The following RFC2 variants were observed in gnomAD, a reference collection of about 807,000 sequenced individuals.
RFC2 encodes A1 40 kDa subunit.
RFC2 carries 34 observed loss-of-function variants against 44.8 expected under a neutral mutation model. That is an observed-to-expected ratio of 0.76 (90% confidence interval 0.58 to 1.01). RFC2 has a LOEUF of 1.01. Among genes scored for constraint, RFC2 ranks in the 50% least tolerant of loss-of-function variants. The pLI is 0.00. For synonymous variants in RFC2, 177 were observed against 168.9 expected, an observed-to-expected ratio of 1.05 and a Z score of -0.37; for missense variants, 400 against 453.6, an observed-to-expected ratio of 0.88 and a Z score of 1.07.
At chr7:74,248,947 T>C (rs148060282) in intron 4 of RFC2, 65 bp downstream of exon 4, 37 of 1,126,056 alleles carry the variant, frequency 3.3e-5, no homozygotes, top group Non-Finnish European at 4.6e-5. Context: ...CTGAGAAAGG[T>C]TGTTTCTGTA....
chr7:74,239,156 C>G (rs991965759), intron 7 of RFC2, among the ~76,000 whole-genome samples, 168 bp from the exon 8 acceptor site: 1 of 149,842 alleles, frequency 6.7e-6, no homozygotes, highest in East Asian at 2.0e-4. Context: ...GCCACCGCAC[C>G]GGGCCAAGGG....
At position 74,243,159 on chromosome 7, in the gene RFC2, C is replaced by T. The variant is rs139127548; in HGVS notation, c.522G>A (p.Ser174=). Residue 174 remains serine (S), a synonymous_variant, in exon 6 of 11, where the codon TCG becomes TCA. Coordinates refer to ENST00000055077, the MANE Select transcript of RFC2 (RefSeq NM_181471.3). ...TTRFALACNA[S]DKIIEPIQSR... is the part of the protein sequence containing the mutation. Reference sequence around the variant, plus strand: ...GCTCCCACTCACCGATGATCTTATCCGAAGCATTACAAGCAAGGGCGAAGC... The same window carrying T: ...GCTCCCACTCACCGATGATCTTATCTGAAGCATTACAAGCAAGGGCGAAGC... The T allele has an allele frequency of 6.3e-5, 101 of 1,612,226 alleles. No individual in the cohort carries two copies. Among genetic ancestry groups the T allele is most frequent in the Middle Eastern group, 1.6e-4 (1 of 6,080 alleles).
intron 1 of RFC2, chr7:74,253,744 G>A (rs978809025): frequency 2.6e-5 from 4 of 154,730 alleles, no homozygotes; most frequent in African/African-American, 9.6e-5. Context: ...AACTGGGCAT[G>A]GTGGTGCGTG....
chr7:74,249,546 A>G (rs1310141231), intron 3 of RFC2, among the ~76,000 whole-genome samples, 193 bp downstream of exon 3: 3 of 151,986 alleles, frequency 2.0e-5, no homozygotes. Context: ...GTTTCAGAAA[A>G]AAAAATAAAT....
intron 6 of RFC2, among the ~76,000 whole-genome samples, chr7:74,241,753 C>T (rs1051277989): frequency 2.6e-5 from 4 of 152,230 alleles, no homozygotes; most frequent in South Asian, 4.1e-4. Flanking sequence ...TGAGGCCAGG[C>T]GTTCTAGACC....
intron 5 of RFC2, 87 bp downstream of exon 5, chr7:74,246,575 C>A: frequency 2.5e-6 from 2 of 811,042 alleles, no homozygotes; most frequent in African/African-American, 1.7e-5. Context: ...GCAAATCTAC[C>A]ATAAAAGTGC....
intron 9 of RFC2, among the ~76,000 whole-genome samples, chr7:74,236,427 G>C (rs3135693): frequency 3.9e-5 from 6 of 152,272 alleles, no homozygotes; most frequent in Admixed American, 1.3e-4. Context: ...AGTTTGTTAG[G>C]GGGTAGGCAG....
At chr7:74,249,869 T>G (rs1368712356) in intron 2 of RFC2, 89 bp from the exon 3 acceptor site, 1 of 1,166,586 alleles carries the variant, frequency 8.6e-7, no homozygotes, top group Non-Finnish European at 1.3e-6. Context: ...ACAAGCAGGT[T>G]AAAACTCGGC....
At chr7:74,249,640 G>T (rs912086749) in intron 3 of RFC2, 99 bp downstream of exon 3, 2 of 973,836 alleles carry the variant, frequency 2.1e-6, no homozygotes, top group African/African-American at 3.2e-5. Flanking sequence ...GAATGGGAAG[G>T]GGCTCTCCAG....
At position 74,232,039 on chromosome 7, in the gene RFC2, A is replaced by G. The variant is rs1554717214; in HGVS notation, c.*67T>C. The G allele has an allele frequency of 4.2e-6, 4 of 956,040 alleles. No individual in the cohort carries two copies. The highest frequency in any genetic ancestry group is 6.7e-6 in the Non-Finnish European group (4 of 597,138). The allele number at this position is 956,040 out of a possible 1,614,324, so 59.2% of individuals were successfully genotyped here. On this transcript the variant is annotated 3_prime_UTR_variant, in exon 11 of 11. Coordinates refer to ENST00000055077, the MANE Select transcript of RFC2 (RefSeq NM_181471.3). The stretch of plus-strand genomic sequence containing the variant: ...CCAGCCTAAGGCGGCATTTTCCCCC[A>G]TCAGAAAGCCGCGGCTCCTGTACCT...
intron 5 of RFC2, among the ~76,000 whole-genome samples, chr7:74,245,972 G>A (rs554815963): frequency 2.0e-4 from 30 of 151,720 alleles, no homozygotes; most frequent in African/African-American, 6.0e-4. Flanking sequence ...TGAGGCGGGC[G>A]GATCACGAGG....
chr7:74,245,102 T>G (rs1803525045), intron 5 of RFC2, among the ~76,000 whole-genome samples: 1 of 151,242 alleles, frequency 6.6e-6, no homozygotes, highest in South Asian at 2.1e-4. Context: ...TGATCTCAGC[T>G]CACCACAACC....
chr7:74,239,063 A>G (rs1291961723), intron 7 of RFC2, 75 bp from the exon 8 acceptor site: 2 of 1,201,746 alleles, frequency 1.7e-6, no homozygotes, highest in Admixed American at 1.9e-5. Flanking sequence ...GAGTCTCGCT[A>G]TGTTGCCCAG....
At position 74,235,564 on chromosome 7, in the gene RFC2, T is replaced by C. The variant is rs781962491; in HGVS notation, c.922A>G (p.Met308Val). ...NIFRVCKTFQ[M>V]AEYLKLEFIK... is the part of the protein sequence containing the mutation. ...AACTCCAGTTTCAGGTATTCTGCCA[T>C]TTGGAAAGTTTTACACACTCGAAAG... Residue 308 changes from methionine (M) to valine (V), a missense_variant, in exon 10 of 11, where the codon ATG (methionine) becomes GTG (valine). Physicochemically the swap from Met to Val is conservative, Grantham distance 21. Transcript: ENST00000055077. 2 of 1,612,190 alleles carry C rather than the reference T, an allele frequency of 1.2e-6. No homozygotes were observed. Among genetic ancestry groups the C allele is most frequent in the African/African-American group, 1.3e-5 (1 of 75,022 alleles).
chr7:74,253,351 G>A (rs1007285409), intron 1 of RFC2, among the ~76,000 whole-genome samples: 3 of 152,010 alleles, frequency 2.0e-5, no homozygotes, highest in Non-Finnish European at 4.4e-5. Context: ...GGGATTACTG[G>A]CGTGAGCCAC....
intron 5 of RFC2, among the ~76,000 whole-genome samples, chr7:74,245,714 CAAAAA>C (rs1182981268): frequency 1.5e-5 from 1 of 65,866 alleles, no homozygotes. Flanking sequence ...CTCCGTCTCA[CAAAAA>C]AAAAAAAAAA....
At chr7:74,249,507 C>T (rs533517006) in intron 3 of RFC2, among the ~76,000 whole-genome samples, 1 of 151,996 alleles carries the variant, frequency 6.6e-6, no homozygotes, top group Admixed American at 6.6e-5. Context: ...CACCACTGCA[C>T]TCTAGCCTGG....
intron 9 of RFC2, 37 bp downstream of exon 9, chr7:74,237,325 G>A: frequency 2.7e-6 from 4 of 1,475,956 alleles, no homozygotes; most frequent in Non-Finnish European, 3.8e-6. Flanking sequence ...CAAGAAGTGA[G>A]CGGTTCCTCT....
chr7:74,239,650 AT>A (rs1803215845), intron 7 of RFC2, among the ~76,000 whole-genome samples: 1 of 150,922 alleles, frequency 6.6e-6, no homozygotes, highest in Non-Finnish European at 1.5e-5. Context: ...TAATTTTTTA[AT>A]TTTTTTTAGT....
Sources: gnomAD v4.1 joint callset for allele counts (sites outside exome capture counted in the v4.1 genomes callset) on GRCh38, gnomAD v4.1.1 for gene constraint, MANE v1.5 for transcripts, NCBI Gene and HGNC (gene_info 2026-07-23, HGNC 2026-07-21) for gene names.